Variants in LY86 observed in about 807,000 individuals in gnomAD.
The protein encoded by LY86 is MD-1, RP105-associated.
In LY86, 20 loss-of-function variants were observed where a neutral mutation model predicts 17.3. The ratio of observed to expected loss-of-function variants is 1.15; its 90% CI spans 0.81 to 1.68. The LOEUF (loss-of-function observed/expected upper bound fraction) is 1.68, where lower values mean the gene tolerates loss of function less well. Ranked by LOEUF, LY86 falls within the 40% of genes most tolerant of loss-of-function variation. The pLI is 0.00. For missense variants in LY86, 200 were observed against 191.9 expected, an observed-to-expected ratio of 1.04 and a Z score of -0.25; for synonymous variants, 74 against 70.6, an observed-to-expected ratio of 1.05 and a Z score of -0.24.
At chr6:6,628,151 G>A (rs1761830295) in intron 3 of LY86, among the ~76,000 whole-genome samples, 1 of 151,880 alleles carries the variant, frequency 6.6e-6, no homozygotes, top group Non-Finnish European at 1.5e-5. Flanking sequence ...TCAGAATGGT[G>A]AACTCATCAT....
chr6:6,605,420 C>T (rs899262464), intron 1 of LY86, among the ~76,000 whole-genome samples: 1 of 152,214 alleles, frequency 6.6e-6, no homozygotes, highest in South Asian at 2.1e-4. Flanking sequence ...ATGAACAGAC[C>T]TCCAAAGATC....
chr6:6,605,173 T>G (rs1761064550), intron 1 of LY86, among the ~76,000 whole-genome samples: 1 of 152,188 alleles, frequency 6.6e-6, no homozygotes, highest in African/African-American at 2.4e-5. Context: ...AATGTAATGA[T>G]GATAATGATG....
At chr6:6,636,643 T>C (rs1761962683) in intron 3 of LY86, among the ~76,000 whole-genome samples, 1 of 152,210 alleles carries the variant, frequency 6.6e-6, no homozygotes, top group African/African-American at 2.4e-5. Flanking sequence ...CAAGGCGAAG[T>C]TTCCCTGGCC....
intron 3 of LY86, among the ~76,000 whole-genome samples, chr6:6,632,518 G>T (rs1283757737): frequency 6.6e-6 from 1 of 152,130 alleles, no homozygotes; most frequent in African/African-American, 2.4e-5. Context: ...TGTGAAAACT[G>T]CAGGGCTGAT....
At chr6:6,647,074 T>G (rs1762117441) in intron 3 of LY86, among the ~76,000 whole-genome samples, 1 of 152,220 alleles carries the variant, frequency 6.6e-6, no homozygotes, top group Non-Finnish European at 1.5e-5. Context: ...TGACCTTCAC[T>G]GCAAAAATGA....
intron 1 of LY86, among the ~76,000 whole-genome samples, chr6:6,605,877 T>TA (rs1432499463): frequency 1.3e-5 from 2 of 149,082 alleles, no homozygotes; most frequent in Non-Finnish European, 2.9e-5. Context: ...GCTCTTCGTT[T>TA]CTCGCGGTGG....
chr6:6,646,315 C>T (rs895689291), intron 3 of LY86, among the ~76,000 whole-genome samples: 5 of 152,272 alleles, frequency 3.3e-5, no homozygotes, highest in African/African-American at 4.8e-5. Context: ...CTCTTAGCCA[C>T]GATGCTTCGA....
chr6:6,608,684 CA>C (rs1297636975), intron 1 of LY86, among the ~76,000 whole-genome samples: 2 of 151,952 alleles, frequency 1.3e-5, no homozygotes, highest in African/African-American at 4.8e-5. Context: ...GAACAGATGG[CA>C]AAAAAAGGCT....
intron 3 of LY86, among the ~76,000 whole-genome samples, chr6:6,649,164 T>C (rs1472263095): frequency 6.6e-6 from 1 of 152,208 alleles, no homozygotes; most frequent in Admixed American, 6.5e-5. Context: ...AGAGGGCGTG[T>C]GCAGGGGAAC....
chr6:6,641,461 C>T (rs1762038850), intron 3 of LY86, among the ~76,000 whole-genome samples: 1 of 152,176 alleles, frequency 6.6e-6, no homozygotes, highest in South Asian at 2.1e-4. Context: ...CCTCTTCCTC[C>T]CCTTGGAGCA....
chr6:6,604,112 C>T (rs944480188), intron 1 of LY86, among the ~76,000 whole-genome samples: 3 of 152,016 alleles, frequency 2.0e-5, no homozygotes, highest in Non-Finnish European at 2.9e-5. Flanking sequence ...GGCATATAGG[C>T]AGAAGGAAAT....
rs1762233192 is a variant in LY86 at position 6,654,577 on chromosome 6, GA to G, written c.444del (p.Lys148AsnfsTer20). The G allele has an allele frequency of 1.2e-6, 2 of 1,614,212 alleles. No homozygotes were observed. The highest frequency in any genetic ancestry group is 3.3e-4 in the Middle Eastern group (2 of 6,060). On this transcript the variant is annotated frameshift_variant, in exon 5 of 5. Coordinates refer to ENST00000230568, the MANE Select transcript of LY86 (RefSeq NM_004271.4). LOFTEE classifies it high-confidence loss of function. ...CCAGGTTTTGCTGGAACTGTACACTGAAAAACGGTCCACCGTGGCCTGTGCC... is the reference window on the plus strand; with the variant it reads ...CCAGGTTTTGCTGGAACTGTACACTGAAAACGGTCCACCGTGGCCTGTGCC... ...EYQVLLELYT[E>X]KRSTVACANA...
At chr6:6,633,917 T>C (rs1246990508) in intron 3 of LY86, among the ~76,000 whole-genome samples, 1 of 137,380 alleles carries the variant, frequency 7.3e-6, no homozygotes, top group East Asian at 2.2e-4. Flanking sequence ...CATGTGTGTA[T>C]ACACTGAGTG....
At chr6:6,633,903 T>C (rs1761929060) in intron 3 of LY86, among the ~76,000 whole-genome samples, 1 of 140,338 alleles carries the variant, frequency 7.1e-6, no homozygotes. Context: ...TGTGTGTGTG[T>C]GTGCATGTGT....
intron 1 of LY86, among the ~76,000 whole-genome samples, chr6:6,599,772 G>A (rs1043372161): frequency 6.6e-6 from 1 of 152,176 alleles, no homozygotes; most frequent in African/African-American, 2.4e-5. Context: ...TTTAGAAAAG[G>A]AACATCTGAG....
chr6:6,613,387 C>T (rs890962746), intron 1 of LY86, among the ~76,000 whole-genome samples: 4 of 152,184 alleles, frequency 2.6e-5, no homozygotes, highest in African/African-American at 4.8e-5. Context: ...GAGTGGGGAG[C>T]GGGAGGAGAC....
chr6:6,612,740 G>C (rs1277470765), intron 1 of LY86, among the ~76,000 whole-genome samples: 1 of 152,162 alleles, frequency 6.6e-6, no homozygotes, highest in Non-Finnish European at 1.5e-5. Context: ...AAGTTCTCCA[G>C]TTCCCCACTA....
chr6:6,604,314 C>A (rs769336401), intron 1 of LY86, among the ~76,000 whole-genome samples: 1 of 151,560 alleles, frequency 6.6e-6, no homozygotes, highest in Non-Finnish European at 1.5e-5. Flanking sequence ...ATAAAAGATA[C>A]AGTATATAAA....
intron 1 of LY86, among the ~76,000 whole-genome samples, chr6:6,613,675 C>CA (rs1275647366): frequency 1.3e-5 from 2 of 152,232 alleles, no homozygotes; most frequent in Non-Finnish European, 2.9e-5. Flanking sequence ...CGGCCTTGGC[C>CA]AGCCCAGAAA....
Sources: allele counts gnomAD v4.1 joint callset (sites outside exome capture counted in the v4.1 genomes callset), GRCh38; gene constraint gnomAD v4.1.1; transcripts MANE v1.5; gene names NCBI Gene and HGNC (gene_info 2026-07-23, HGNC 2026-07-21).